GMPPA: variants seen among roughly 807,000 people sequenced by gnomAD.
The protein encoded by GMPPA is mannose-1-phosphate guanylyltransferase regulatory subunit alpha.
Under a neutral mutation model 58.6 loss-of-function variants are expected in GMPPA, and 46 were observed. The observed-to-expected ratio is 0.78, with a 90% confidence interval of 0.62 to 1.00. GMPPA has a LOEUF of 1.00. Among genes scored for constraint, GMPPA ranks in the 50% least tolerant of loss-of-function variants. The pLI, the probability that GMPPA is intolerant of heterozygous loss-of-function variation, is 0.00. For synonymous variants in GMPPA, 211 were observed against 214.9 expected (o/e 0.98, Z 0.16); for missense variants, 468 against 556.4 (o/e 0.84, Z 1.60).
chr2:219,503,373 C>CT (rs1406951542), intron 6 of GMPPA, among the ~76,000 whole-genome samples: 2 of 152,178 alleles, frequency 1.3e-5, no homozygotes, highest in Non-Finnish European at 2.9e-5. Flanking sequence ...GATCCACCTA[C>CT]TTCAGCCTTC....
chr2:219,506,281 G>A lies in GMPPA; in HGVS notation c.1021G>A (p.Val341Met), dbSNP rs542801740. Residue 341 changes from valine (V) to methionine (M), a missense_variant, in exon 12 of 13, where the codon GTG (valine) becomes ATG (methionine). Physicochemically the swap from Val to Met is conservative, Grantham distance 21. Transcript: ENST00000313597. ...GCACACGTGTGTTCTGCATAGCATC[G>A]TGGGCTGGGGGAGCACCGTGGGACG... ...QEHTCVLHSI[V>M]GWGSTVGRWA... is the part of the protein sequence containing the mutation. 5.0e-6 allele frequency: 8 copies of A among 1,613,320 alleles called. No individual in the cohort carries two copies. The East Asian group carries it at 8.9e-5, about 18-fold the overall frequency.
At chr2:219,501,399 T>C in intron 3 of GMPPA, 77 bp from the exon 4 acceptor site, 1 of 936,128 alleles carries the variant, frequency 1.1e-6, no homozygotes. Flanking sequence ...TTCTGGACTT[T>C]GGGCCAGCAC....
At position 219,505,263 on chromosome 2, in the gene GMPPA, C is replaced by T. The variant is rs542650164; in HGVS notation, c.656C>T (p.Thr219Ile). ...DSPGLWPGAG[T>I]IRLEQDVFSA... ...CCAGGCTTGTGGCCAGGGGCAGGTA[C>T]CATCCGCCTAGAGCAGGATGTGTTT... Residue 219 changes from threonine to isoleucine, a missense_variant, in exon 8 of 13, where the codon ACC (threonine) becomes ATC (isoleucine). Thr to Ile is a moderately conservative substitution (Grantham distance 89). Coordinates refer to ENST00000313597, the MANE Select transcript of GMPPA (RefSeq NM_013335.4). 50 of 1,613,956 alleles carry T rather than the reference C, an allele frequency of 3.1e-5. 1 individual carries two copies. In the South Asian group the frequency reaches 3.7e-4, roughly 12 times the overall value.
rs764553321 is a variant in GMPPA at position 219,506,679 on chromosome 2, G to T, written c.1163-19G>T. ...CTCCCCTCCCATGACCTCCCCTGGTGCCCTCATCCATGCTGCAGGCTGCCG... is the reference window on the plus strand; with the variant it reads ...CTCCCCTCCCATGACCTCCCCTGGTTCCCTCATCCATGCTGCAGGCTGCCG... On this transcript the variant is annotated intron_variant, in intron 12 of 12. Transcript: ENST00000313597. 1 of 1,434,792 alleles carries T rather than the reference G, an allele frequency of 7.0e-7. No homozygotes were observed. Among genetic ancestry groups the T allele is most frequent in the East Asian group, 2.3e-5 (1 of 43,944 alleles). The allele number at this position is 1,434,792 out of a possible 1,614,324, so 88.9% of individuals were successfully genotyped here. A position where few individuals can be genotyped will look rare whatever the true frequency, so the allele number is the denominator to read the frequency against.
rs1330538140 is a variant in GMPPA at position 219,505,362 on chromosome 2, G to A, written c.755G>A (p.Gly252Asp). 4 of 1,613,488 alleles carry A rather than the reference G, an allele frequency of 2.5e-6. No homozygotes were observed. Among genetic ancestry groups the A allele is most frequent in the South Asian group, 1.1e-5 (1 of 90,896 alleles). The change falls in exon 8 of 13, where the codon GGT becomes GAT. Residue 252 changes from glycine to aspartate, a missense_variant and splice_region_variant. By Grantham distance (94) the Gly-to-Asp change is moderately conservative (BLOSUM62 -1). Coordinates refer to ENST00000313597, the MANE Select transcript of GMPPA (RefSeq NM_013335.4). ...DGIWSQIKSA[G>D]SALYASRLYL... Reference sequence around the variant, plus strand: ...ATCTGGAGTCAGATCAAGTCCGCAGGGTATGGAAGGCTGGGTCCCCTGGGG... The same window carrying A: ...ATCTGGAGTCAGATCAAGTCCGCAGAGTATGGAAGGCTGGGTCCCCTGGGG...
intron 3 of GMPPA, 75 bp downstream of exon 3, chr2:219,500,293 A>C: frequency 1.2e-6 from 1 of 825,184 alleles, no homozygotes; most frequent in Non-Finnish European, 2.1e-6. Context: ...CCCAACCATG[A>C]ACTCTTCCCA....
rs1575222228 is a variant in GMPPA, at chr2:219,502,165, G to A, written c.429+128G>A. 8.2e-6 allele frequency: 8 copies of A among 977,466 alleles called. No individual in the cohort carries two copies. Among genetic ancestry groups the A allele is most frequent in the African/African-American group, 1.6e-5 (1 of 62,458 alleles). The allele number at this position is 977,466 out of a possible 1,614,324, so 60.5% of individuals were successfully genotyped here. ...GGAGCTGGCGTCAGGAGGGAGATGC[G>A]CTGCTCTGGCAGCATGGAGGTGTTA... On this transcript the variant is annotated intron_variant, in intron 5 of 12. Coordinates refer to ENST00000313597, the MANE Select transcript of GMPPA (RefSeq NM_013335.4). The surrounding 1 kb of genome is among the most constrained non-coding windows in gnomAD (Gnocchi z 4.0).
In GMPPA at chr2:219,499,943, T is replaced by A. The variant is rs774786693; in HGVS notation, c.-20-13T>A. The A allele has an allele frequency of 6.2e-7, 1 of 1,607,578 alleles. No individual in the cohort carries two copies. Among genetic ancestry groups the A allele is most frequent in the African/African-American group, 1.3e-5 (1 of 74,766 alleles). On this transcript the variant is annotated splice_polypyrimidine_tract_variant and intron_variant, in intron 1 of 12. Coordinates refer to ENST00000313597, the MANE Select transcript of GMPPA (RefSeq NM_013335.4). Reference sequence around the variant, plus strand: ...AGGAGATCTGAGCTTGATTTCTCTGTTGGAATTTGAAGTTTAGGTAGCAGT... The same window carrying A: ...AGGAGATCTGAGCTTGATTTCTCTGATGGAATTTGAAGTTTAGGTAGCAGT...
At position 219,501,834 on chromosome 2, in the gene GMPPA, C is replaced by A; in HGVS notation, c.243-17C>A. ...TCCTAAGATCCACTGAGCTGGCTCT[C>A]GGGTCCCTGGGGACAGGTACCTGCA... On this transcript the variant is annotated splice_polypyrimidine_tract_variant and intron_variant, in intron 4 of 12. Transcript: ENST00000313597. The A allele has an allele frequency of 1.2e-6, 2 of 1,611,934 alleles. No individual in the cohort carries two copies. Among genetic ancestry groups the A allele is most frequent in the Non-Finnish European group, 1.7e-6 (2 of 1,178,354 alleles).
intron 4 of GMPPA, 23 bp downstream of exon 4, chr2:219,501,602 A>AT (rs765583601): frequency 1.8e-5 from 25 of 1,378,190 alleles, no homozygotes; most frequent in Admixed American, 1.3e-4. Flanking sequence ...ACACTCGTAT[A>AT]TGGGGGGGTG....
In GMPPA at chr2:219,506,904, T is replaced by C. The variant is rs937396260; in HGVS notation, c.*106T>C. 1.5e-6 allele frequency: 1 copy of C among 677,188 alleles called. No homozygotes were observed. The allele number at this position is 677,188 out of a possible 1,614,324, so 41.9% of individuals were successfully genotyped here. On this transcript the variant is annotated 3_prime_UTR_variant, in exon 13 of 13. Transcript: ENST00000313597. ...GACCAGAGAAAGCCAGGCTGGATCG[T>C]CACATGCCGGGGAGCAATGTGGATG...
chr2:219,500,294 A>C lies in GMPPA; in HGVS notation c.138+76A>C. On this transcript the variant is annotated intron_variant, in intron 3 of 12. Coordinates refer to ENST00000313597, the MANE Select transcript of GMPPA (RefSeq NM_013335.4). ...CTGTTTCCCCCTTTCCCAACCATGAACTCTTCCCACCAGGCATAACTCCAA... is the reference window on the plus strand; with the variant it reads ...CTGTTTCCCCCTTTCCCAACCATGACCTCTTCCCACCAGGCATAACTCCAA... The C allele has an allele frequency of 3.7e-6, 3 of 819,416 alleles. No homozygotes were observed. The South Asian group carries it at 4.3e-5, about 12-fold the overall frequency. The allele number at this position is 819,416 out of a possible 1,614,324, so 50.8% of individuals were successfully genotyped here.
intron 1 of GMPPA, 198 bp from the exon 2 acceptor site, chr2:219,499,758 T>C (rs1180816913): frequency 3.2e-6 from 2 of 615,634 alleles, no homozygotes; most frequent in Non-Finnish European, 5.9e-6. Context: ...GTTTGGGGTT[T>C]GGTTGGGGTG....
In GMPPA at chr2:219,505,517, G is replaced by A. The variant is rs147396523; in HGVS notation, c.815G>A (p.Arg272Gln). The A allele has an allele frequency of 6.4e-7, 1 of 1,572,998 alleles. No individual in the cohort carries two copies. The change falls in exon 9 of 13, where the codon CGG (arginine) becomes CAG (glutamine). Residue 272 changes from arginine (R) to glutamine (Q), a missense_variant. Arg to Gln is a conservative substitution (Grantham distance 43). Coordinates refer to ENST00000313597, the MANE Select transcript of GMPPA (RefSeq NM_013335.4). ...CGATACCAGGACACTCACCCAGAAC[G>A]GCTGGCCAAGCACACCCCAGGGGGC... ...LSRYQDTHPE[R>Q]LAKHTPGGPW...
chr2:219,506,595 A>G, intron 12 of GMPPA, 103 bp from the exon 13 acceptor site: 1 of 956,484 alleles, frequency 1.0e-6, no homozygotes, highest in Admixed American at 2.0e-5. Flanking sequence ...GACCAGGGGC[A>G]CAGATGGGCA....
intron 3 of GMPPA, chr2:219,500,555 T>A (rs907680): frequency 0.98 from 312,202 of 319,496 alleles, 152,933 homozygotes; most frequent in East Asian, 1. Flanking sequence ...GATCACATTG[T>A]TGCTCATTTC....
At chr2:219,506,141 C>T (rs757415529) in intron 11 of GMPPA, 69 bp downstream of exon 11, 61 of 1,467,306 alleles carry the variant, frequency 4.2e-5, no homozygotes, top group Middle Eastern at 3.6e-4. Context: ...GGCATCCCCC[C>T]AAGAACAGAG....
chr2:219,505,707 G>T lies in GMPPA; in HGVS notation c.854-8G>T. On this transcript the variant is annotated splice_polypyrimidine_tract_variant and splice_region_variant and intron_variant, in intron 9 of 12. Transcript: ENST00000313597. ...TATTTGCCCCCAGGGCCTCTCTTCTGCTTCTAGGGAATGTGTACATCCACC... is the reference window on the plus strand; with the variant it reads ...TATTTGCCCCCAGGGCCTCTCTTCTTCTTCTAGGGAATGTGTACATCCACC... The T allele has an allele frequency of 6.2e-7, 1 of 1,612,710 alleles. No homozygotes were observed. Among genetic ancestry groups the T allele is most frequent in the East Asian group, 2.2e-5 (1 of 44,878 alleles).
intron 7 of GMPPA, chr2:219,504,502 A>G (rs969304138): frequency 6.2e-6 from 3 of 482,230 alleles, no homozygotes; most frequent in South Asian, 5.2e-5. Flanking sequence ...ACAGACAGCA[A>G]CACACAGTTG....
Sources: gnomAD v4.1 joint callset for allele counts (sites outside exome capture counted in the v4.1 genomes callset) on GRCh38, gnomAD v4.1.1 for gene constraint, Gnocchi (gnomAD v3.1) non-coding constraint, MANE v1.5 for transcripts, NCBI Gene and HGNC (gene_info 2026-07-23, HGNC 2026-07-21) for gene names.